ZFAND6: variants seen among roughly 807,000 people sequenced by gnomAD.
ZFAND6 encodes the protein AN1-type zinc finger protein 6.
In ZFAND6, 12 loss-of-function variants were observed where a neutral mutation model predicts 24.5. That is an observed-to-expected ratio of 0.49 (90% confidence interval 0.31 to 0.79). The LOEUF is 0.79. Among genes scored for constraint, ZFAND6 ranks in the 30% least tolerant of loss-of-function variants. The probability of loss-of-function intolerance (pLI) is 0.04; values close to 1 mark genes in which losing one functional copy is unlikely to be tolerated. For missense variants in ZFAND6, 207 were observed against 245.9 expected (o/e 0.84, Z 1.06); for synonymous variants, 92 against 81.5 (o/e 1.13, Z -0.69).
chr15:80,117,976 TTAA>T (rs1293063251), intron 2 of ZFAND6, among the ~76,000 whole-genome samples: 1 of 152,140 alleles, frequency 6.6e-6, no homozygotes, highest in Admixed American at 6.5e-5. Flanking sequence ...CATTGACGAC[TTAA>T]TAAGTGATGG....
intron 5 of ZFAND6, among the ~76,000 whole-genome samples, chr15:80,128,220 C>G (rs1474629939): frequency 6.6e-6 from 1 of 152,162 alleles, no homozygotes; most frequent in African/African-American, 2.4e-5. Flanking sequence ...CTTAATGTGA[C>G]TTAAATGTTC....
At chr15:80,087,250 G>C (rs912498904) in intron 1 of ZFAND6, among the ~76,000 whole-genome samples, 5 of 152,168 alleles carry the variant, frequency 3.3e-5, no homozygotes, top group Non-Finnish European at 7.4e-5. Context: ...TTCCCAAGTG[G>C]CTGTAGTTTT....
At chr15:80,113,613 C>T (rs775629311) in intron 2 of ZFAND6, among the ~76,000 whole-genome samples, 1 of 152,102 alleles carries the variant, frequency 6.6e-6, no homozygotes, top group African/African-American at 2.4e-5. Context: ...CAGTGTGAAA[C>T]ATTCTACATC....
At chr15:80,114,789 A>C (rs1197804768) in intron 2 of ZFAND6, among the ~76,000 whole-genome samples, 1 of 152,216 alleles carries the variant, frequency 6.6e-6, no homozygotes. Context: ...TAATCCTGCT[A>C]AGAACTTCCT....
chr15:80,090,677 C>T (rs1429500459), intron 1 of ZFAND6, among the ~76,000 whole-genome samples: 1 of 152,016 alleles, frequency 6.6e-6, no homozygotes, highest in Non-Finnish European at 1.5e-5. Context: ...CAAAAACAAC[C>T]CTGGAGAATG....
At chr15:80,105,866 A>G (rs1479713054) in intron 2 of ZFAND6, among the ~76,000 whole-genome samples, 5 of 152,216 alleles carry the variant, frequency 3.3e-5, no homozygotes, top group African/African-American at 7.2e-5. Flanking sequence ...GTATCTTGCA[A>G]TCATTTCTGG....
At chr15:80,093,131 G>A (rs1241956867) in intron 1 of ZFAND6, among the ~76,000 whole-genome samples, 1 of 151,562 alleles carries the variant, frequency 6.6e-6, no homozygotes, top group African/African-American at 2.4e-5. Flanking sequence ...ATTTTTGTGT[G>A]TGTGTGTGTG....
intron 1 of ZFAND6, among the ~76,000 whole-genome samples, chr15:80,068,001 G>C (rs1302466595): frequency 1.3e-5 from 2 of 151,854 alleles, no homozygotes; most frequent in African/African-American, 2.4e-5. Context: ...TTACTCTGTT[G>C]CCCAGGCTGG....
intron 1 of ZFAND6, among the ~76,000 whole-genome samples, chr15:80,077,773 C>T (rs984937380): frequency 1.5e-5 from 2 of 132,326 alleles, no homozygotes; most frequent in African/African-American, 5.7e-5. Flanking sequence ...GATCTCAGTT[C>T]ACTGCAACCT....
chr15:80,098,816 AATT>A (rs1486359551), intron 2 of ZFAND6, among the ~76,000 whole-genome samples: 40 of 152,062 alleles, frequency 2.6e-4, no homozygotes, highest in African/African-American at 6.3e-4. Context: ...CTTTTTTCAG[AATT>A]ATTATAAGCA....
At chr15:80,090,721 C>T (rs2038305991) in intron 1 of ZFAND6, among the ~76,000 whole-genome samples, 1 of 152,132 alleles carries the variant, frequency 6.6e-6, no homozygotes, top group South Asian at 2.1e-4. Flanking sequence ...GGGAGATTTG[C>T]TCAGAACTCC....
intron 1 of ZFAND6, chr15:80,060,161 G>GC (rs1027330146): frequency 6.6e-6 from 1 of 152,114 alleles, no homozygotes; most frequent in Non-Finnish European, 1.5e-5. Context: ...GCCGCCCCGA[G>GC]CGGGTTGCGA....
chr15:80,134,202 C>T (rs1353635149), intron 6 of ZFAND6, among the ~76,000 whole-genome samples: 1 of 152,072 alleles, frequency 6.6e-6, no homozygotes, highest in East Asian at 1.9e-4. Flanking sequence ...GTTGGCCAAG[C>T]TGGTCCCAAA....
intron 2 of ZFAND6, among the ~76,000 whole-genome samples, chr15:80,119,069 T>A (rs1456228506): frequency 7.0e-6 from 1 of 143,828 alleles, no homozygotes; most frequent in Non-Finnish European, 1.5e-5. Flanking sequence ...AGGAGATTGT[T>A]GTTTTTTAAT....
At chr15:80,073,246 ACT>A (rs2037077031) in intron 1 of ZFAND6, 1 of 269,194 alleles carries the variant, frequency 3.7e-6, no homozygotes, top group African/African-American at 2.3e-5. Context: ...CTTCATTCAA[ACT>A]CTTCATTTCT....
At chr15:80,087,808 C>CTG (rs2038093081) in intron 1 of ZFAND6, among the ~76,000 whole-genome samples, 1 of 152,150 alleles carries the variant, frequency 6.6e-6, no homozygotes, top group Non-Finnish European at 1.5e-5. Context: ...AATTGTTATA[C>CTG]TGTGTCCTGT....
At chr15:80,104,533 GTCAA>G (rs1337983603) in intron 2 of ZFAND6, among the ~76,000 whole-genome samples, 6 of 136,804 alleles carry the variant, frequency 4.4e-5, no homozygotes, top group Non-Finnish European at 6.6e-5. Flanking sequence ...CAGTCAGTCA[GTCAA>G]TCCATCCATC....
chr15:80,103,871 A>G (rs936710738), intron 2 of ZFAND6, among the ~76,000 whole-genome samples: 38 of 152,272 alleles, frequency 2.5e-4, no homozygotes, highest in African/African-American at 8.9e-4. Context: ...TTTAAGAAAC[A>G]AGAGTCTTGC....
At position 80,121,835 on chromosome 15, in the gene ZFAND6, C is replaced by A; in HGVS notation, c.263+15C>A. ...ATGCAGCCCAGGTAAGATGTACTCT[C>A]TGAATTCTAATGAGAATGCTAATAA... On this transcript the variant is annotated intron_variant, in intron 4 of 6. Transcript: ENST00000261749. 1 of 1,591,984 alleles carries A rather than the reference C, an allele frequency of 6.3e-7. No homozygotes were observed. Among genetic ancestry groups the A allele is most frequent in the South Asian group, 1.1e-5 (1 of 89,786 alleles).
Sources: allele counts gnomAD v4.1 joint callset (sites outside exome capture counted in the v4.1 genomes callset), GRCh38; gene constraint gnomAD v4.1.1; transcripts MANE v1.5; gene names NCBI Gene and HGNC (gene_info 2026-07-23, HGNC 2026-07-21).